ZNF503: variants seen among roughly 807,000 people sequenced by gnomAD.
The protein encoded by ZNF503 is NocA-like zinc finger 2.
ZNF503 carries 15 observed loss-of-function variants against 34.4 expected under a neutral mutation model. That is an observed-to-expected ratio of 0.44 (90% CI 0.29 to 0.67). The LOEUF (loss-of-function observed/expected upper bound fraction) is 0.67. Ranked by LOEUF, ZNF503 falls within the 30% of genes least tolerant of loss-of-function variation. The pLI is 0.13. For missense variants in ZNF503, 1,007 were observed against 926.8 expected (o/e 1.09, Z -1.12); for synonymous variants, 580 against 456.8 (o/e 1.27, Z -3.44).
the ZNF503 span, among the ~76,000 whole-genome samples, chr10:75,380,415 A>T: frequency 6.6e-6 from 1 of 152,162 alleles, no homozygotes; most frequent in Non-Finnish European, 1.5e-5. Context: ...TTGAACCCAG[A>T]CAATGGGGCC....
At chr10:75,311,298 C>T in the ZNF503 span, among the ~76,000 whole-genome samples, 2 of 152,184 alleles carry the variant, frequency 1.3e-5, no homozygotes, top group Non-Finnish European at 2.9e-5. Context: ...ATTGTGCCCA[C>T]CCAGTTTGGG....
At chr10:75,294,012 G>A in the ZNF503 span, among the ~76,000 whole-genome samples, 2,216 of 152,246 alleles carry the variant, frequency 0.015, 24 homozygotes, top group Non-Finnish European at 0.023. Context: ...AGGAGTGGGG[G>A]AATGCCCCAC....
chr10:75,394,465 C>G (rs1843675501), downstream of ZNF503, among the ~76,000 whole-genome samples: 1 of 152,230 alleles, frequency 6.6e-6, no homozygotes, highest in South Asian at 2.1e-4. Context: ...AGCCGATGAC[C>G]TGACAGGGGA....
the ZNF503 span, among the ~76,000 whole-genome samples, chr10:75,337,623 G>C: frequency 6.6e-6 from 1 of 150,664 alleles, no homozygotes; most frequent in African/African-American, 2.4e-5. Flanking sequence ...GTCTCCAAAA[G>C]AAAAAAAAAT....
chr10:75,329,678 T>C, the ZNF503 span, among the ~76,000 whole-genome samples: 4 of 152,070 alleles, frequency 2.6e-5, no homozygotes, highest in Non-Finnish European at 5.9e-5. Flanking sequence ...AGTGTTTCTT[T>C]GTTGCCCAGG....
chr10:75,399,384 G>C lies in ZNF503; in HGVS notation c.1306C>G (p.His436Asp), dbSNP rs1349089010. ...GCCCCTGCCAGGTGGCTAGCGCAGTGGTAGCTGAGGCAGTAAGGGTCCCGG... is the reference window on the plus strand; with the variant it reads ...GCCCCTGCCAGGTGGCTAGCGCAGTCGTAGCTGAGGCAGTAAGGGTCCCGG... ...LCRDPYCLSY[H>D]CASHLAGAAA... Residue 436 changes from histidine to aspartate, a missense_variant, in exon 2 of 2, where the codon CAC becomes GAC. Physicochemically the swap from His to Asp is moderately conservative, Grantham distance 81. Coordinates refer to ENST00000372524, the MANE Select transcript of ZNF503 (RefSeq NM_032772.6). 2 of 1,606,232 alleles carry C rather than the reference G, an allele frequency of 1.2e-6. No individual in the cohort carries two copies. Among genetic ancestry groups the C allele is most frequent in the South Asian group, 1.1e-5 (1 of 90,722 alleles).
the ZNF503 span, among the ~76,000 whole-genome samples, chr10:75,284,678 C>A: frequency 6.6e-6 from 1 of 152,222 alleles, no homozygotes; most frequent in African/African-American, 2.4e-5. Context: ...CACCTTCAAG[C>A]TGATGGTCTC....
At chr10:75,325,058 T>G in the ZNF503 span, among the ~76,000 whole-genome samples, 8 of 152,220 alleles carry the variant, frequency 5.3e-5, no homozygotes, top group Non-Finnish European at 8.8e-5. Context: ...CTATGAATAT[T>G]CATGTACATG....
chr10:75,374,837 A>T, the ZNF503 span, among the ~76,000 whole-genome samples: 5 of 152,238 alleles, frequency 3.3e-5, no homozygotes, highest in African/African-American at 2.4e-5. Flanking sequence ...CAAATCCACT[A>T]GTGAAACCAG....
the ZNF503 span, among the ~76,000 whole-genome samples, chr10:75,313,774 T>C: frequency 6.6e-6 from 1 of 152,140 alleles, no homozygotes; most frequent in African/African-American, 2.4e-5. Context: ...ATCTGTGGGA[T>C]TGGGAGAAGG....
the ZNF503 span, among the ~76,000 whole-genome samples, chr10:75,302,687 T>A: frequency 6.6e-6 from 1 of 152,164 alleles, no homozygotes; most frequent in Non-Finnish European, 1.5e-5. Flanking sequence ...TCCCCTCTAG[T>A]CCATCAGTCC....
At chr10:75,385,827 A>C in the ZNF503 span, among the ~76,000 whole-genome samples, 1 of 152,148 alleles carries the variant, frequency 6.6e-6, no homozygotes, top group African/African-American at 2.4e-5. Flanking sequence ...CTTCCTCATA[A>C]GTTTCAGCCT....
At chr10:75,298,705 G>A in the ZNF503 span, among the ~76,000 whole-genome samples, 1 of 152,074 alleles carries the variant, frequency 6.6e-6, no homozygotes, top group Non-Finnish European at 1.5e-5. Flanking sequence ...GTTCTTTTGG[G>A]TATATATGTA....
the ZNF503 span, among the ~76,000 whole-genome samples, chr10:75,359,211 C>T: frequency 6.6e-5 from 10 of 152,242 alleles, no homozygotes; most frequent in African/African-American, 2.4e-4. Context: ...ACTCCCTCTG[C>T]CCCTTTGTGG....
At chr10:75,351,207 CT>C in the ZNF503 span, among the ~76,000 whole-genome samples, 2 of 152,062 alleles carry the variant, frequency 1.3e-5, no homozygotes, top group Admixed American at 1.3e-4. Flanking sequence ...GAGTCTCCCC[CT>C]GTCACCAAGG....
At chr10:75,378,923 C>G in the ZNF503 span, among the ~76,000 whole-genome samples, 1 of 152,110 alleles carries the variant, frequency 6.6e-6, no homozygotes, top group Non-Finnish European at 1.5e-5. Flanking sequence ...TTCCTTTATT[C>G]CTGAACCACA....
chr10:75,399,507 C>A lies in ZNF503; in HGVS notation c.1183G>T (p.Ala395Ser), dbSNP rs1843751908. 1.3e-6 allele frequency: 2 copies of A among 1,574,708 alleles called. No individual in the cohort carries two copies. The highest frequency in any genetic ancestry group is 1.7e-6 in the Non-Finnish European group (2 of 1,167,462). The change falls in exon 2 of 2, where the codon GCG (alanine) becomes TCG (serine). Residue 395 changes from alanine to serine, a missense_variant. Transcript: ENST00000372524. ...KPGSLVGAQL[A>S]AAAAGSLGCS... ...CCCAGAGACCCGGCCGCGGCCGCCG[C>A]CAGCTGCGCCCCCACCAGGCTGCCC... is the stretch of plus-strand genomic sequence containing the variant.
At chr10:75,310,756 G>C in the ZNF503 span, among the ~76,000 whole-genome samples, 1 of 152,112 alleles carries the variant, frequency 6.6e-6, no homozygotes, top group Admixed American at 6.5e-5. Context: ...CTCATCTTCA[G>C]GTATCATGGA....
Position 75,401,721 on chromosome 10 carries a change from C to CTGCGCTCTGCGATGCGCTCTGCGA in ZNF503, c.-303_-302insTCGCAGAGCGCATCGCAGAGCGCA, listed in dbSNP as rs367698599. On this transcript the variant is annotated 5_prime_UTR_variant, in exon 1 of 2. Coordinates refer to ENST00000372524, the MANE Select transcript of ZNF503 (RefSeq NM_032772.6). ...GCGTTCTCGCGGCCCCGCGCCGGCG[C>CTGCGCTCTGCGATGCGCTCTGCGA]TGCGCTCTGCGATGCGAGCCGCTGC... The CTGCGCTCTGCGATGCGCTCTGCGA allele has an allele frequency of 6.6e-4, 262 of 396,016 alleles. No homozygotes were observed. Among genetic ancestry groups the CTGCGCTCTGCGATGCGCTCTGCGA allele is most frequent in the African/African-American group, 5.1e-3 (240 of 46,734 alleles). 24.5% of individuals were successfully genotyped at this position (396,016 alleles called of 1,614,324 possible). A position where few individuals can be genotyped will look rare whatever the true frequency, so the allele number is the denominator to read the frequency against.
Sources: allele counts gnomAD v4.1 joint callset (sites outside exome capture counted in the v4.1 genomes callset), GRCh38; gene constraint gnomAD v4.1.1; transcripts MANE v1.5; gene names NCBI Gene and HGNC (gene_info 2026-07-23, HGNC 2026-07-21).